Variants in PCDHGA8 observed in about 807,000 individuals in gnomAD.
The protein encoded by PCDHGA8 is protocadherin gamma-A8.
In PCDHGA8, 45 loss-of-function variants were observed where a neutral mutation model predicts 59.2. The ratio of observed to expected loss-of-function variants is 0.76; its 90% CI spans 0.60 to 0.98. The LOEUF (loss-of-function observed/expected upper bound fraction) is 0.98. Ranked by LOEUF, PCDHGA8 falls within the 50% of genes least tolerant of loss-of-function variation. PCDHGA8 has a pLI of 0.00. For missense variants in PCDHGA8, 1,257 were observed against 1,196.2 expected, an observed-to-expected ratio of 1.05 and a Z score of -0.75; for synonymous variants, 531 against 519.0, an observed-to-expected ratio of 1.02 and a Z score of -0.32.
intron 1 of PCDHGA8, among the ~76,000 whole-genome samples, chr5:141,445,620 C>T (rs561235315): frequency 2.0e-5 from 3 of 151,966 alleles, no homozygotes; most frequent in African/African-American, 4.8e-5. Context: ...TTCTTTTTTT[C>T]GGAAAGTGAT....
chr5:141,394,109 G>A lies in PCDHGA8; in HGVS notation c.1296G>A (p.Leu432=), dbSNP rs764779834. The part of the protein sequence containing the change: ...VMASDLGTPP[L]STETQIALHV... ...CCTCAGATCTAGGAACACCACCTCT[G>A]TCCACTGAAACTCAAATCGCTCTGC... Residue 432 remains leucine (L), a synonymous_variant, in exon 1 of 4, where the codon CTG becomes CTA. Transcript: ENST00000398604. The A allele has an allele frequency of 1.9e-6, 3 of 1,613,898 alleles. No homozygotes were observed. The highest frequency in any genetic ancestry group is 4.5e-5 in the East Asian group (2 of 44,882).
intron 2 of PCDHGA8, among the ~76,000 whole-genome samples, chr5:141,501,620 T>G (rs1393018933): frequency 6.6e-6 from 1 of 152,090 alleles, no homozygotes; most frequent in Non-Finnish European, 1.5e-5. Context: ...GACTCTGGTA[T>G]AGTCTCTCAA....
chr5:141,478,987 G>T (rs1007857792), intron 1 of PCDHGA8, among the ~76,000 whole-genome samples: 8 of 152,144 alleles, frequency 5.3e-5, no homozygotes, highest in African/African-American at 1.4e-4. Flanking sequence ...TGTGACATTT[G>T]TATTAAAACT....
At chr5:141,495,095 G>C (rs67264863) in intron 2 of PCDHGA8, among the ~76,000 whole-genome samples, 9,751 of 152,126 alleles carry the variant, frequency 0.064, 363 homozygotes, top group South Asian at 0.11. Context: ...TTCCCTCCTC[G>C]CCACGACCGG....
chr5:141,427,405 C>T (rs1209638263), intron 1 of PCDHGA8: 1 of 462,180 alleles, frequency 2.2e-6, no homozygotes, highest in East Asian at 6.8e-5. Context: ...GATAAAGATT[C>T]GAGAGAAAAT....
intron 1 of PCDHGA8, chr5:141,419,330 C>T: frequency 1.2e-6 from 2 of 1,613,956 alleles, no homozygotes; most frequent in South Asian, 1.1e-5. Flanking sequence ...CTCCTACTCT[C>T]TCATTGCCAG....
intron 1 of PCDHGA8, chr5:141,410,366 G>T: frequency 6.2e-7 from 1 of 1,613,774 alleles, no homozygotes; most frequent in Non-Finnish European, 8.5e-7. Flanking sequence ...TCTCAGCCCT[G>T]CTACTTGGGA....
chr5:141,410,849 C>CTTTTTTTTCTTTTT (rs2095433387), intron 1 of PCDHGA8: 1 of 129,786 alleles, frequency 7.7e-6, no homozygotes, highest in African/African-American at 6.0e-5. Flanking sequence ...TTGTCTTTGT[C>CTTTTTTTTCTTTTT]TTTTTTTTTT....
At chr5:141,404,408 A>G in intron 1 of PCDHGA8, 1 of 1,613,900 alleles carries the variant, frequency 6.2e-7, no homozygotes, top group Non-Finnish European at 8.5e-7. Flanking sequence ...TGAGAATTCT[A>G]GAGTTATTTA....
chr5:141,402,749 G>A (rs768250544), intron 1 of PCDHGA8, among the ~76,000 whole-genome samples: 4 of 152,152 alleles, frequency 2.6e-5, no homozygotes, highest in Non-Finnish European at 5.9e-5. Flanking sequence ...TCAACTCTAA[G>A]CGAAAATCAG....
chr5:141,425,566 G>T (rs532293951), intron 1 of PCDHGA8, among the ~76,000 whole-genome samples: 1 of 152,348 alleles, frequency 6.6e-6, no homozygotes, highest in Admixed American at 6.5e-5. Context: ...TAAGTGATAA[G>T]AAGGGTTTGG....
chr5:141,414,007 A>G (rs1047239460), intron 1 of PCDHGA8: 2 of 1,613,292 alleles, frequency 1.2e-6, no homozygotes, highest in Non-Finnish European at 1.7e-6. Flanking sequence ...CGAAGGTGCC[A>G]ATGGAGAAGT....
intron 1 of PCDHGA8, chr5:141,468,682 C>A (rs377685711): frequency 4.6e-5 from 7 of 151,296 alleles, no homozygotes; most frequent in African/African-American, 1.7e-4. Context: ...CTGGCTAACA[C>A]GGTGAAACCC....
chr5:141,413,212 G>C, intron 1 of PCDHGA8: 2 of 1,613,268 alleles, frequency 1.2e-6, no homozygotes, highest in Middle Eastern at 1.7e-4. Flanking sequence ...GGAATCAAAG[G>C]ATTGCAGCGG....
At position 141,421,580 on chromosome 5, in the gene PCDHGA8, A is replaced by G. The variant is rs375319424; in HGVS notation, c.2424+26343A>G. ...CTCGTGGAAGACACCTTGAAGATTT[A>G]CGGAGTGGAGGTGGAAATAATAGAT... On this transcript the variant is annotated intron_variant, in intron 1 of 3. Transcript: ENST00000398604. The G allele has an allele frequency of 1.1e-5, 17 of 1,613,782 alleles. No individual in the cohort carries two copies. In the East Asian group the frequency reaches 2.7e-4, roughly 25 times the overall value.
At chr5:141,409,447 A>G (rs764648085) in intron 1 of PCDHGA8, 3 of 1,614,008 alleles carry the variant, frequency 1.9e-6, no homozygotes, top group Admixed American at 1.7e-5. Flanking sequence ...GAGAGCAGAC[A>G]CCAGAATACA....
intron 1 of PCDHGA8, chr5:141,420,202 C>G: frequency 1.2e-6 from 2 of 1,613,256 alleles, no homozygotes; most frequent in Non-Finnish European, 1.7e-6. Context: ...AAGATAACCT[C>G]AACAAAGATA....
chr5:141,416,745 C>T (rs186830862), intron 1 of PCDHGA8: 5 of 152,194 alleles, frequency 3.3e-5, no homozygotes, highest in South Asian at 2.1e-4. Flanking sequence ...AAAATAGTGA[C>T]GTATTAGGTA....
chr5:141,486,409 C>G lies in PCDHGA8; in HGVS notation c.2425-8398C>G, dbSNP rs1396288134. On this transcript the variant is annotated intron_variant, in intron 1 of 3. Coordinates refer to ENST00000398604, the MANE Select transcript of PCDHGA8 (RefSeq NM_032088.2). The surrounding 1 kb of genome is among the most constrained non-coding windows in gnomAD (Gnocchi z 5.0). Reference sequence around the variant, plus strand: ...AGTTCTCCCTGGTGACTGCTGGACCCTTGGATCGAGAGGCCAAATCTAGCT... The same window carrying G: ...AGTTCTCCCTGGTGACTGCTGGACCGTTGGATCGAGAGGCCAAATCTAGCT... 6.2e-7 allele frequency: 1 copy of G among 1,614,170 alleles called. No individual in the cohort carries two copies. Among genetic ancestry groups the G allele is most frequent in the East Asian group, 2.2e-5 (1 of 44,874 alleles).
Sources: gnomAD v4.1 joint callset for allele counts (sites outside exome capture counted in the v4.1 genomes callset) on GRCh38, gnomAD v4.1.1 for gene constraint, Gnocchi (gnomAD v3.1) non-coding constraint, MANE v1.5 for transcripts, NCBI Gene and HGNC (gene_info 2026-07-23, HGNC 2026-07-21) for gene names.